CHRNA6: variants seen among roughly 807,000 people sequenced by gnomAD.
CHRNA6 encodes cholinergic receptor nicotinic alpha 6 subunit.
A neutral mutation model predicts 40.9 loss-of-function variants in CHRNA6; 31 were observed. The observed-to-expected ratio is 0.76, with a 90% CI of 0.57 to 1.02. CHRNA6 has a LOEUF of 1.02. CHRNA6 is among the 50% of genes least tolerant of loss of function. The pLI, the probability that CHRNA6 is intolerant of heterozygous loss-of-function variation, is 0.00. For synonymous variants in CHRNA6, 222 were observed against 221.3 expected (o/e 1.00, Z -0.03); for missense variants, 546 against 596.6 (o/e 0.92, Z 0.88).
intron 5 of CHRNA6, 27 bp from the exon 6 acceptor site, chr8:42,753,337 T>G (rs752140998): frequency 1.9e-6 from 3 of 1,592,696 alleles, no homozygotes; most frequent in Non-Finnish European, 2.6e-6. Flanking sequence ...AATTAAGAGC[T>G]GTTTTAAAAA....
chr8:42,763,372 G>C (rs1816931807), intron 2 of CHRNA6, among the ~76,000 whole-genome samples: 2 of 152,184 alleles, frequency 1.3e-5, no homozygotes, highest in Admixed American at 1.3e-4. Context: ...TTAACCTTTA[G>C]ATTTCTGTTG....
In CHRNA6 at chr8:42,760,304, T is replaced by A. The variant is rs1816883584; in HGVS notation, c.220-1191A>T. ...ATACACACATGCATATACACGGTAC[T>A]CTCATACACACTCATGCACACTCAC... On this transcript the variant is annotated intron_variant, in intron 2 of 5. Coordinates refer to ENST00000276410, the MANE Select transcript of CHRNA6 (RefSeq NM_004198.3). Among the ~76,000 whole-genome samples, 4 of 145,694 alleles carry A rather than the reference T, an allele frequency of 2.7e-5. No individual in the cohort carries two copies. The South Asian group carries it at 8.6e-4, about 31-fold the overall frequency.
chr8:42,768,443 C>G lies in CHRNA6; in HGVS notation c.-13G>C, dbSNP rs551545999. ...TGCTGGTCAGCATGGTTAAAACACA[C>G]TTGGATTCCTTTTTCCTAGGCAAAG... On this transcript the variant is annotated 5_prime_UTR_variant, in exon 1 of 6. Transcript: ENST00000276410. 7 of 1,607,976 alleles carry G rather than the reference C, an allele frequency of 4.4e-6. No homozygotes were observed. Among genetic ancestry groups the G allele is most frequent in the South Asian group, 2.2e-5 (2 of 90,904 alleles).
At chr8:42,753,367 T>A in intron 5 of CHRNA6, 57 bp from the exon 6 acceptor site, 3 of 1,477,724 alleles carry the variant, frequency 2.0e-6, no homozygotes, top group Non-Finnish European at 2.8e-6. Context: ...ATAAGAAACA[T>A]GCCTTGTTTC....
chr8:42,760,757 A>C (rs576041241), intron 2 of CHRNA6, among the ~76,000 whole-genome samples: 1 of 152,352 alleles, frequency 6.6e-6, no homozygotes, highest in Non-Finnish European at 1.5e-5. Context: ...CAGATACTTA[A>C]ATGACCAGAA....
chr8:42,762,321 T>G (rs567977114), intron 2 of CHRNA6, among the ~76,000 whole-genome samples: 95 of 152,312 alleles, frequency 6.2e-4, no homozygotes, highest in Admixed American at 2.7e-3. Flanking sequence ...AAAACTGGAA[T>G]CAGCTCAAAT....
intron 2 of CHRNA6, among the ~76,000 whole-genome samples, chr8:42,763,984 T>C (rs2128912474): frequency 6.6e-6 from 1 of 152,294 alleles, no homozygotes; most frequent in Non-Finnish European, 1.5e-5. Flanking sequence ...CATCCATGGC[T>C]GGGGCTGACT....
rs1816801432 is a variant in CHRNA6 at position 42,756,419 on chromosome 8, C to T, written c.780G>A (p.Leu260=). 1 of 1,614,010 alleles carries T rather than the reference C, an allele frequency of 6.2e-7. No individual in the cohort carries two copies. The highest frequency in any genetic ancestry group is 8.5e-7 in the Non-Finnish European group (1 of 1,180,030). Residue 260 remains leucine, a synonymous_variant, in exon 5 of 6, where the codon TTG becomes TTA. Coordinates refer to ENST00000276410, the MANE Select transcript of CHRNA6 (RefSeq NM_004198.3). ...CACAGTCCGAAGGAAGGTAAAAGACCAACACGGTTAGAAATGAAATAAAGA... is the reference window on the plus strand; with the variant it reads ...CACAGTCCGAAGGAAGGTAAAAGACTAACACGGTTAGAAATGAAATAAAGA... The part of the protein sequence containing the change: ...PCLFISFLTV[L]VFYLPSDCGE...
chr8:42,754,822 C>T (rs1339987686), intron 5 of CHRNA6, among the ~76,000 whole-genome samples: 4 of 152,054 alleles, frequency 2.6e-5, no homozygotes, highest in Non-Finnish European at 4.4e-5. Flanking sequence ...GAACAGAGTA[C>T]GTGAACGCTA....
intron 1 of CHRNA6, 92 bp downstream of exon 1, chr8:42,768,260 T>C (rs889660385): frequency 1.6e-5 from 17 of 1,038,672 alleles, no homozygotes; most frequent in Admixed American, 6.3e-5. Flanking sequence ...ATAGAAACTT[T>C]TATTAATATA....
intron 2 of CHRNA6, among the ~76,000 whole-genome samples, chr8:42,762,991 G>A (rs1207054964): frequency 2.0e-5 from 3 of 152,236 alleles, no homozygotes; most frequent in Non-Finnish European, 4.4e-5. Context: ...AGTCTGCCTT[G>A]CAGCTGGAGG....
At chr8:42,763,056 G>A (rs1816926980) in intron 2 of CHRNA6, among the ~76,000 whole-genome samples, 1 of 152,206 alleles carries the variant, frequency 6.6e-6, no homozygotes, top group Admixed American at 6.5e-5. Context: ...AGTCTAGGAT[G>A]TACACTTTGC....
intron 1 of CHRNA6, among the ~76,000 whole-genome samples, chr8:42,766,679 G>A (rs1425032219): frequency 6.6e-6 from 1 of 152,104 alleles, no homozygotes; most frequent in Non-Finnish European, 1.5e-5. Flanking sequence ...GAAACGGGGA[G>A]CTGAACAATG....
intron 2 of CHRNA6, among the ~76,000 whole-genome samples, chr8:42,759,950 G>A (rs953593978): frequency 1.3e-5 from 2 of 150,790 alleles, no homozygotes; most frequent in Admixed American, 1.3e-4. Context: ...CCAGCTGGCA[G>A]CTGCTACTCA....
intron 3 of CHRNA6, among the ~76,000 whole-genome samples, chr8:42,758,037 AAAAAACC>A (rs989008216): frequency 1.3e-4 from 20 of 152,024 alleles, no homozygotes; most frequent in African/African-American, 4.8e-4. Flanking sequence ...TCCGTCTCAA[AAAAAACC>A]AAAAAACAAA....
intron 3 of CHRNA6, among the ~76,000 whole-genome samples, chr8:42,758,494 G>A (rs894772856): frequency 2.0e-5 from 3 of 151,888 alleles, no homozygotes; most frequent in African/African-American, 7.3e-5. Context: ...CGAGTAGCTG[G>A]GATTACGGGC....
At chr8:42,758,140 G>A (rs373133834) in intron 3 of CHRNA6, among the ~76,000 whole-genome samples, 1 of 152,100 alleles carries the variant, frequency 6.6e-6, no homozygotes, top group African/African-American at 2.4e-5. Context: ...TGGGGAACAG[G>A]GAGCTAAATA....
chr8:42,762,971 T>A (rs1159710275), intron 2 of CHRNA6, among the ~76,000 whole-genome samples: 1 of 152,190 alleles, frequency 6.6e-6, no homozygotes, highest in African/African-American at 2.4e-5. Flanking sequence ...TTTAAAAACC[T>A]GCAGTTCCAA....
chr8:42,756,602 AT>A lies in CHRNA6; in HGVS notation c.596del (p.Asp199ValfsTer32), dbSNP rs1816804950. On this transcript the variant is annotated frameshift_variant, in exon 5 of 6. Transcript: ENST00000276410. LOFTEE classifies it high-confidence loss of function. Reference protein sequence around the residue: ...LIIGSKVDMNDFWENSEWEII... With the variant: ...LIIGSKVDMNXFWENSEWEII... ...TTTCCCATTCACTGTTTTCCCAAAAATCATTCATATCCACTTTTGATCCAAT... is the reference window on the plus strand; with the variant it reads ...TTTCCCATTCACTGTTTTCCCAAAAACATTCATATCCACTTTTGATCCAAT... The A allele has an allele frequency of 6.2e-7, 1 of 1,614,168 alleles. No homozygotes were observed.
Sources: allele counts gnomAD v4.1 joint callset (sites outside exome capture counted in the v4.1 genomes callset), GRCh38; gene constraint gnomAD v4.1.1; transcripts MANE v1.5; gene names NCBI Gene and HGNC (gene_info 2026-07-23, HGNC 2026-07-21).